The following PRKG1 variants were observed in gnomAD, a reference collection of about 807,000 sequenced individuals.
PRKG1 encodes protein kinase cGMP-dependent 1, also known as cGMP-dependent protein kinase 1.
Under a neutral mutation model 88.1 loss-of-function variants are expected in PRKG1, and 35 were observed. That is an observed-to-expected ratio of 0.40 (90% CI 0.30 to 0.53). The LOEUF is 0.53. Among genes scored for constraint, PRKG1 ranks in the 20% least tolerant of loss-of-function variants. PRKG1 has a pLI of 0.59. For missense variants in PRKG1, 540 were observed against 839.8 expected (o/e 0.64, Z 4.41); for synonymous variants, 303 against 292.5 (o/e 1.04, Z -0.37).
chr10:51,615,827 C>T (rs891744501), intron 3 of PRKG1, among the ~76,000 whole-genome samples: 3 of 151,972 alleles, frequency 2.0e-5, no homozygotes, highest in East Asian at 3.9e-4. Context: ...AATTTGTTTT[C>T]GATTGAGATC....
intron 8 of PRKG1, among the ~76,000 whole-genome samples, chr10:52,142,842 G>A (rs566736345): frequency 1.5e-4 from 23 of 152,000 alleles, no homozygotes; most frequent in Non-Finnish European, 3.1e-4. Context: ...TACAACACTC[G>A]TTTATCTGTA....
chr10:51,607,819 T>C (rs1161816790), intron 3 of PRKG1, among the ~76,000 whole-genome samples: 2 of 152,214 alleles, frequency 1.3e-5, no homozygotes, highest in Non-Finnish European at 2.9e-5. Flanking sequence ...TAGAGAATTC[T>C]AAGTCCAGAT....
chr10:51,630,100 A>G (rs1839485945), intron 3 of PRKG1, among the ~76,000 whole-genome samples: 1 of 152,154 alleles, frequency 6.6e-6, no homozygotes, highest in Admixed American at 6.5e-5. Context: ...TGTGTCATTG[A>G]AATGTGCTGC....
chr10:51,941,043 A>G (rs1220170426), intron 5 of PRKG1, among the ~76,000 whole-genome samples: 2 of 151,810 alleles, frequency 1.3e-5, no homozygotes, highest in African/African-American at 2.4e-5. Context: ...CAAAAAAATC[A>G]CTCTATTTTA....
rs141443130 is a variant in PRKG1 at position 51,904,992 on chromosome 10, A to G, written c.699-2515A>G. ...TAAGCTGGTCTAAAGAAGGAAGCCA[A>G]TTATAATAAAATGAGAAAAACTCAG... On this transcript the variant is annotated intron_variant, in intron 4 of 17. Transcript: ENST00000373980. Among the ~76,000 whole-genome samples, 272 of 152,320 alleles carry G rather than the reference A, an allele frequency of 1.8e-3. 1 individual carries two copies. Among genetic ancestry groups the G allele is most frequent in the Admixed American group, 3.1e-3 (47 of 15,282 alleles).
chr10:51,869,993 C>T (rs774699382), intron 4 of PRKG1, among the ~76,000 whole-genome samples: 16 of 152,042 alleles, frequency 1.1e-4, no homozygotes, highest in Non-Finnish European at 2.1e-4. Flanking sequence ...ATCACAGCAA[C>T]GTGAAAGACT....
intron 2 of PRKG1, among the ~76,000 whole-genome samples, chr10:51,373,682 T>C (rs1451266036): frequency 2.0e-5 from 3 of 152,072 alleles, no homozygotes; most frequent in Non-Finnish European, 4.4e-5. Flanking sequence ...TTTAAAAATG[T>C]GGTACATACA....
chr10:51,365,895 T>C (rs1842578433), intron 2 of PRKG1, among the ~76,000 whole-genome samples: 2 of 151,712 alleles, frequency 1.3e-5, no homozygotes, highest in Admixed American at 1.3e-4. Context: ...AAATCTTTTT[T>C]TTCCTCTCCA....
At chr10:52,067,770 G>T (rs1358016361) in intron 7 of PRKG1, among the ~76,000 whole-genome samples, 5 of 151,460 alleles carry the variant, frequency 3.3e-5, no homozygotes, top group Admixed American at 6.6e-5. Flanking sequence ...ACCAAAGAGA[G>T]GGTAAAATGT....
intron 8 of PRKG1, among the ~76,000 whole-genome samples, chr10:52,148,646 CATCAGTG>C (rs1378630880): frequency 2.6e-5 from 4 of 152,108 alleles, no homozygotes; most frequent in Admixed American, 6.5e-5. Context: ...GAAAGTGGGG[CATCAGTG>C]ATCAGCACAG....
intron 3 of PRKG1, among the ~76,000 whole-genome samples, chr10:51,634,263 C>T (rs750225669): frequency 6.6e-6 from 1 of 151,890 alleles, no homozygotes; most frequent in Non-Finnish European, 1.5e-5. Context: ...GAGGATTTGC[C>T]AAGGGAGGAA....
chr10:51,452,925 A>T (rs1839478081), intron 2 of PRKG1, among the ~76,000 whole-genome samples: 1 of 151,632 alleles, frequency 6.6e-6, no homozygotes, highest in Admixed American at 6.6e-5. Context: ...TATTTCTACA[A>T]TTTTTTTTGT....
chr10:51,174,101 A>G (rs1170297472), intron 2 of PRKG1, among the ~76,000 whole-genome samples: 1 of 151,914 alleles, frequency 6.6e-6, no homozygotes, highest in Non-Finnish European at 1.5e-5. Flanking sequence ...ACAAAAATAT[A>G]AGTATGTGAG....
intron 3 of PRKG1, among the ~76,000 whole-genome samples, chr10:51,539,638 A>G (rs923353948): frequency 1.3e-5 from 2 of 152,134 alleles, no homozygotes; most frequent in Admixed American, 6.5e-5. Flanking sequence ...CCTTTTAAGG[A>G]CTTTATGCCT....
intron 2 of PRKG1, among the ~76,000 whole-genome samples, chr10:51,439,626 C>T (rs767837874): frequency 5.9e-5 from 9 of 151,986 alleles, no homozygotes; most frequent in Middle Eastern, 3.4e-3. Context: ...GCATTACTAA[C>T]GTTTTAAAGA....
intron 5 of PRKG1, among the ~76,000 whole-genome samples, chr10:51,972,212 G>GTA (rs924887321): frequency 1.5e-4 from 23 of 151,948 alleles, no homozygotes; most frequent in African/African-American, 4.6e-4. Context: ...TACTTTGTGT[G>GTA]TATATATATA....
intron 9 of PRKG1, among the ~76,000 whole-genome samples, chr10:52,189,634 C>T (rs1393752747): frequency 6.6e-6 from 1 of 152,164 alleles, no homozygotes; most frequent in Non-Finnish European, 1.5e-5. Flanking sequence ...ATTTATCCCA[C>T]CCTCAATCCA....
chr10:51,985,563 A>G (rs1188557737), intron 5 of PRKG1, among the ~76,000 whole-genome samples: 1 of 152,112 alleles, frequency 6.6e-6, no homozygotes, highest in African/African-American at 2.4e-5. Context: ...TCAGCTGGGG[A>G]AAATAAAGAA....
At position 51,643,122 on chromosome 10, in the gene PRKG1, A is replaced by G. The variant is rs574511144; in HGVS notation, c.593-161463A>G. 1.1e-4 allele frequency among the ~76,000 whole-genome samples: 9 copies of G among 83,354 alleles called. No homozygotes were observed. The South Asian group carries it at 2.0e-3, about 18-fold the overall frequency. The allele number at this position is 83,354 out of a possible 152,430, so 54.7% of individuals were successfully genotyped here. On this transcript the variant is annotated intron_variant, in intron 3 of 17. Coordinates refer to ENST00000373980, the MANE Select transcript of PRKG1 (RefSeq NM_006258.4). ...GTTACTATTTGTTCATGCTTGAGTT[A>G]AAAAAATTAGTCAATGGAATGCTAG...
Sources: gnomAD v4.1 joint callset for allele counts (sites outside exome capture counted in the v4.1 genomes callset) on GRCh38, gnomAD v4.1.1 for gene constraint, MANE v1.5 for transcripts, NCBI Gene and HGNC (gene_info 2026-07-23, HGNC 2026-07-21) for gene names.